The following ANKFN1 variants were observed in gnomAD, a reference collection of about 807,000 sequenced individuals.
The protein encoded by ANKFN1 is ankyrin repeat and fibronectin type III domain containing 1.
ANKFN1 carries 74 observed loss-of-function variants against 108.7 expected under a neutral mutation model. The ratio of observed to expected loss-of-function variants is 0.68; its 90% CI spans 0.56 to 0.83. The LOEUF (loss-of-function observed/expected upper bound fraction) is 0.83, where lower values mean the gene tolerates loss of function less well. Among genes scored for constraint, ANKFN1 ranks in the 40% least tolerant of loss-of-function variants. The pLI is 0.00. For missense variants in ANKFN1, 1,505 were observed against 1,382.3 expected (o/e 1.09, Z -1.41); for synonymous variants, 547 against 516.2 (o/e 1.06, Z -0.81).
intron 8 of ANKFN1, among the ~76,000 whole-genome samples, chr17:56,411,188 T>G (rs2048079697): frequency 6.6e-6 from 1 of 152,236 alleles, no homozygotes. Context: ...CATCACTGTT[T>G]TATAGTTTTC....
chr17:56,210,976 A>G (rs1224570803), intron 1 of ANKFN1, among the ~76,000 whole-genome samples: 1 of 152,106 alleles, frequency 6.6e-6, no homozygotes, highest in Non-Finnish European at 1.5e-5. Flanking sequence ...GAGCCAAACC[A>G]TATCACTTAT....
chr17:56,477,346 G>T, intron 15 of ANKFN1, 142 bp from the exon 16 acceptor site: 1 of 728,406 alleles, frequency 1.4e-6, no homozygotes, highest in East Asian at 3.0e-5. Context: ...AGCATTCATG[G>T]TATACCTGAG....
intron 4 of ANKFN1, among the ~76,000 whole-genome samples, chr17:56,136,937 A>G (rs1259080698): frequency 2.6e-5 from 4 of 152,210 alleles, no homozygotes; most frequent in Non-Finnish European, 5.9e-5. Context: ...GCTCTGAAAG[A>G]TTAGGGTTAC....
chr17:56,049,379 C>A (rs1378414250), intron 4 of ANKFN1, among the ~76,000 whole-genome samples: 2 of 136,446 alleles, frequency 1.5e-5, no homozygotes, highest in Non-Finnish European at 1.6e-5. Flanking sequence ...CATATAGAAG[C>A]GGGTTTGATA....
intron 4 of ANKFN1, among the ~76,000 whole-genome samples, chr17:56,055,441 CTGTGTG>C (rs71137187): frequency 3.5e-5 from 5 of 144,406 alleles, no homozygotes; most frequent in Admixed American, 2.1e-4. Flanking sequence ...CCCATTATGT[CTGTGTG>C]TGTGTGTGTG....
chr17:56,226,224 A>T (rs1267228946), intron 2 of ANKFN1, among the ~76,000 whole-genome samples: 2 of 152,150 alleles, frequency 1.3e-5, no homozygotes, highest in Non-Finnish European at 2.9e-5. Flanking sequence ...ATAACTAACA[A>T]CTAATAATAA....
intron 3 of ANKFN1, 120 bp downstream of exon 3, chr17:56,228,077 A>G: frequency 2.6e-6 from 2 of 772,930 alleles, no homozygotes; most frequent in Non-Finnish European, 4.1e-6. Flanking sequence ...CAGCACACAC[A>G]GCCAATCTAA....
At chr17:56,372,580 T>A in intron 6 of ANKFN1, 66 bp from the exon 7 acceptor site, 1 of 1,364,312 alleles carries the variant, frequency 7.3e-7, no homozygotes, top group Non-Finnish European at 1.0e-6. Flanking sequence ...CTCTGGGATA[T>A]ATCCTTCCAA....
At chr17:56,399,756 A>C (rs1207943531) in intron 8 of ANKFN1, among the ~76,000 whole-genome samples, 1 of 151,324 alleles carries the variant, frequency 6.6e-6, no homozygotes, top group Non-Finnish European at 1.5e-5. Flanking sequence ...GAGTTACTTC[A>C]CTTAGAATAA....
At chr17:56,311,993 T>C (rs1352089303) in intron 3 of ANKFN1, among the ~76,000 whole-genome samples, 1 of 152,182 alleles carries the variant, frequency 6.6e-6, no homozygotes, top group African/African-American at 2.4e-5. Flanking sequence ...CGGTCTCCTC[T>C]TCAGGCCTAT....
At chr17:56,328,581 C>T in intron 4 of ANKFN1, among the ~76,000 whole-genome samples, 1 of 152,114 alleles carries the variant, frequency 6.6e-6, no homozygotes, top group African/African-American at 2.4e-5. Flanking sequence ...TCTCTAAGAA[C>T]TTCACTTATA....
intron 20 of ANKFN1, among the ~76,000 whole-genome samples, chr17:56,506,126 A>C (rs140554715): frequency 1.3e-5 from 2 of 152,132 alleles, no homozygotes; most frequent in African/African-American, 4.8e-5. Flanking sequence ...AGTTTGTTAC[A>C]TATGTATACA....
chr17:56,079,605 C>T (rs1170625494), intron 4 of ANKFN1, among the ~76,000 whole-genome samples: 1 of 152,212 alleles, frequency 6.6e-6, no homozygotes, highest in Non-Finnish European at 1.5e-5. Flanking sequence ...GTAGATTAGA[C>T]ATTGTCTAAG....
intron 3 of ANKFN1, among the ~76,000 whole-genome samples, chr17:56,264,330 G>T (rs529953764): frequency 2.4e-4 from 37 of 152,252 alleles, no homozygotes; most frequent in African/African-American, 8.7e-4. Flanking sequence ...TGAACAGCCA[G>T]GTCTGCTGGC....
intron 4 of ANKFN1, among the ~76,000 whole-genome samples, chr17:56,126,405 C>A (rs745794878): frequency 6.6e-6 from 1 of 152,094 alleles, no homozygotes; most frequent in Non-Finnish European, 1.5e-5. Flanking sequence ...CTTCTTGACA[C>A]AATTATCCCA....
intron 1 of ANKFN1, among the ~76,000 whole-genome samples, chr17:56,200,831 T>C (rs928890721): frequency 2.0e-5 from 3 of 152,224 alleles, no homozygotes; most frequent in Non-Finnish European, 4.4e-5. Context: ...AGGCAATCTA[T>C]TAGTCTGAAG....
rs556373367 is a variant in ANKFN1, at chr17:56,290,037, A to G, written c.54-36184A>G. Among the ~76,000 whole-genome samples, 37 of 152,098 alleles carry G rather than the reference A, an allele frequency of 2.4e-4. No individual in the cohort carries two copies. The South Asian group carries it at 7.7e-3, about 32-fold the overall frequency. ...AGTTAGTTGTAGGGCTGGGATGCAA[A>G]CTCCCAGATCATTACATCTTTCACT... On this transcript the variant is annotated intron_variant, in intron 3 of 20. Coordinates refer to ENST00000682825, the MANE Select transcript of ANKFN1 (RefSeq NM_001370326.1).
At chr17:56,070,525 T>C (rs1172928369) in intron 4 of ANKFN1, among the ~76,000 whole-genome samples, 2 of 152,168 alleles carry the variant, frequency 1.3e-5, no homozygotes, top group African/African-American at 4.8e-5. Context: ...CTTTAAAGAC[T>C]GTTCCCAAAT....
intron 6 of ANKFN1, among the ~76,000 whole-genome samples, chr17:56,362,841 C>T (rs979711067): frequency 2.6e-5 from 4 of 152,076 alleles, no homozygotes; most frequent in Non-Finnish European, 4.4e-5. Flanking sequence ...ATTTGCAACC[C>T]GTACATCCAA....
Sources: gnomAD v4.1 joint callset for allele counts (sites outside exome capture counted in the v4.1 genomes callset) on GRCh38, gnomAD v4.1.1 for gene constraint, MANE v1.5 for transcripts, NCBI Gene and HGNC (gene_info 2026-07-23, HGNC 2026-07-21) for gene names.